The following WAPL variants were observed in gnomAD, a reference collection of about 807,000 sequenced individuals.
The protein encoded by WAPL is wings apart-like protein homolog.
A neutral mutation model predicts 121.0 loss-of-function variants in WAPL; 5 were observed. The observed-to-expected ratio is 0.04, with a 90% CI of 0.02 to 0.09. The LOEUF is 0.09. WAPL is among the 10% of genes least tolerant of loss of function. WAPL has a pLI of 1.00. For synonymous variants in WAPL, 480 were observed against 481.5 expected, an observed-to-expected ratio of 1.00 and a Z score of 0.04; for missense variants, 999 against 1,410.8, an observed-to-expected ratio of 0.71 and a Z score of 4.68.
intron 17 of WAPL, among the ~76,000 whole-genome samples, chr10:86,439,211 T>C (rs1849402344): frequency 6.6e-6 from 1 of 152,040 alleles, no homozygotes; most frequent in South Asian, 2.1e-4. Flanking sequence ...ACTCGCAAAA[T>C]TAGAAAGCAG....
chr10:86,474,556 G>A (rs1410434434), intron 4 of WAPL, among the ~76,000 whole-genome samples: 3 of 147,690 alleles, frequency 2.0e-5, no homozygotes, highest in African/African-American at 5.0e-5. Flanking sequence ...GGCTTACTAA[G>A]TAATCAACAC....
intron 1 of WAPL, among the ~76,000 whole-genome samples, chr10:86,520,652 A>G (rs1842656955): frequency 6.6e-6 from 1 of 151,990 alleles, no homozygotes; most frequent in African/African-American, 2.4e-5. Flanking sequence ...TTTAAACTCC[A>G]AAGACTGTCC....
rs547176938 is a variant in WAPL at position 86,494,430 on chromosome 10, G to A, written c.1644+2771C>T. 6.4e-4 allele frequency among the ~76,000 whole-genome samples: 97 copies of A among 152,146 alleles called. 2 individuals carry two copies. The highest frequency in any genetic ancestry group is 2.0e-3 in the African/African-American group (85 of 41,514). ...GTGGGAATGTGGCAGGCATTTTCTC[G>A]AAAACAAAGAGTAAATCTGTTACCA... On this transcript the variant is annotated intron_variant, in intron 4 of 18. Coordinates refer to ENST00000298767, the MANE Select transcript of WAPL (RefSeq NM_015045.5).
At chr10:86,481,222 GAAA>G (rs1046706406) in intron 4 of WAPL, among the ~76,000 whole-genome samples, 3 of 151,364 alleles carry the variant, frequency 2.0e-5, no homozygotes, top group African/African-American at 7.3e-5. Context: ...AGAAACTAAA[GAAA>G]AAAAATCTAA....
intron 4 of WAPL, among the ~76,000 whole-genome samples, chr10:86,485,003 A>T (rs1317413407): frequency 1.3e-5 from 2 of 152,114 alleles, no homozygotes; most frequent in African/African-American, 4.8e-5. Context: ...ACACACACAC[A>T]GGCACACACG....
chr10:86,491,311 TTG>T (rs2132213204), intron 4 of WAPL, among the ~76,000 whole-genome samples: 1 of 151,668 alleles, frequency 6.6e-6, no homozygotes, highest in Non-Finnish European at 1.5e-5. Flanking sequence ...GGCTAATTTT[TTG>T]TGTTTTTAGT....
rs538844291 is a variant in WAPL, at chr10:86,443,424, C to CTGTTAGTTTTTTTTACT, written c.3323-62_3323-61insAGTAAAAAAAACTAACA. On this transcript the variant is annotated intron_variant, in intron 16 of 18. Coordinates refer to ENST00000298767, the MANE Select transcript of WAPL (RefSeq NM_015045.5). ...TTAATTAACACAAACCTCACAAAAC[C>CTGTTAGTTTTTTTTACT]AACCATTCTGTTAGTTATCTTTACT... The CTGTTAGTTTTTTTTACT allele has an allele frequency of 1.3e-4, 188 of 1,443,894 alleles. 2 individuals carry two copies. The South Asian group carries it at 2.2e-3, about 17-fold the overall frequency. 89.4% of individuals were successfully genotyped at this position (1,443,894 alleles called of 1,614,324 possible). A position where few individuals can be genotyped will look rare whatever the true frequency, so the allele number is the denominator to read the frequency against.
intron 8 of WAPL, among the ~76,000 whole-genome samples, chr10:86,470,747 A>G (rs1420094656): frequency 6.6e-6 from 1 of 152,246 alleles, no homozygotes; most frequent in African/African-American, 2.4e-5. Flanking sequence ...ATTAGCTAAG[A>G]TAACAAAATA....
intron 4 of WAPL, among the ~76,000 whole-genome samples, chr10:86,488,065 A>G (rs2132209790): frequency 6.6e-6 from 1 of 152,260 alleles, no homozygotes; most frequent in East Asian, 1.9e-4. Flanking sequence ...GAAAATAAGA[A>G]CACATGTGGA....
At chr10:86,462,734 A>G (rs1841314443) in intron 9 of WAPL, among the ~76,000 whole-genome samples, 1 of 151,664 alleles carries the variant, frequency 6.6e-6, no homozygotes, top group Admixed American at 6.6e-5. Context: ...AAAAAAAAAA[A>G]AAAAAAAGAG....
At chr10:86,453,865 AAAT>A in intron 12 of WAPL, 34 bp from the exon 13 acceptor site, 4 of 1,424,090 alleles carry the variant, frequency 2.8e-6, no homozygotes, top group South Asian at 1.6e-5. Context: ...CTATTATAGT[AAAT>A]AATAATAGGT....
rs1564571366 is a variant in WAPL, at chr10:86,469,252, T to TAA, written c.2142+1739_2142+1740insTT. On this transcript the variant is annotated intron_variant, in intron 8 of 18. Coordinates refer to ENST00000298767, the MANE Select transcript of WAPL (RefSeq NM_015045.5). ...CTGGTTGAACCAAATAATTTTTTTTTTTTTTTTTTTTTTTTTTTGAGACGG... is the reference window on the plus strand; with the variant it reads ...CTGGTTGAACCAAATAATTTTTTTTTAATTTTTTTTTTTTTTTTTTGAGACGG... 4.5e-3 allele frequency among the ~76,000 whole-genome samples: 17 copies of TAA among 3,792 alleles called. 4 individuals are homozygous for TAA. The highest frequency in any genetic ancestry group is 0.021 in the Non-Finnish European group (4 of 192). 2.5% of individuals were successfully genotyped at this position (3,792 alleles called of 152,430 possible).
chr10:86,517,911 T>C lies in WAPL; in HGVS notation c.159A>G (p.Pro53=). ...GTTTCTTCGGAATTTCTTGGATATCTGGTTTGAAATTGGGCCTCTTCTGCC... is the reference window on the plus strand; with the variant it reads ...GTTTCTTCGGAATTTCTTGGATATCCGGTTTGAAATTGGGCCTCTTCTGCC... The part of the protein sequence containing the change: ...KLGQKRPNFK[P]DIQEIPKKPK... Residue 53 remains proline, a synonymous_variant, in exon 2 of 19, where the codon CCA becomes CCG. Transcript: ENST00000298767. The C allele has an allele frequency of 6.2e-7, 1 of 1,614,190 alleles. No homozygotes were observed. Among genetic ancestry groups the C allele is most frequent in the African/African-American group, 1.3e-5 (1 of 75,064 alleles).
At chr10:86,503,290 A>G (rs928673145) in intron 2 of WAPL, among the ~76,000 whole-genome samples, 1 of 152,120 alleles carries the variant, frequency 6.6e-6, no homozygotes, top group Non-Finnish European at 1.5e-5. Context: ...AAACTTAAAC[A>G]ATGCCTTTAA....
intron 4 of WAPL, 118 bp downstream of exon 4, chr10:86,497,083 C>T (rs1481019146): frequency 5.9e-6 from 5 of 844,154 alleles, no homozygotes; most frequent in South Asian, 3.5e-5. Context: ...ACGACTTACA[C>T]ATATCCTTTG....
intron 9 of WAPL, among the ~76,000 whole-genome samples, chr10:86,464,212 G>A (rs1841349703): frequency 6.6e-6 from 1 of 152,210 alleles, no homozygotes. Context: ...TTCAAGGACA[G>A]CTAACATTAG....
At chr10:86,457,327 T>TAAAAAAA (rs10668599) in intron 12 of WAPL, among the ~76,000 whole-genome samples, 5 of 111,192 alleles carry the variant, frequency 4.5e-5, no homozygotes, top group African/African-American at 1.1e-4. Context: ...CTGTATCTAT[T>TAAAAAAA]AAAAAAAAAA....
chr10:86,457,979 G>A (rs1158499605), intron 12 of WAPL, among the ~76,000 whole-genome samples: 1 of 152,124 alleles, frequency 6.6e-6, no homozygotes, highest in East Asian at 1.9e-4. Flanking sequence ...AACCAGACTG[G>A]CCATGATTGA....
intron 12 of WAPL, among the ~76,000 whole-genome samples, chr10:86,455,085 G>C (rs868138207): frequency 6.8e-6 from 1 of 146,460 alleles, no homozygotes. Flanking sequence ...GCCCCCGCCC[G>C]GCAGCCGCCC....
Sources: allele counts gnomAD v4.1 joint callset (sites outside exome capture counted in the v4.1 genomes callset), GRCh38; gene constraint gnomAD v4.1.1; transcripts MANE v1.5; gene names NCBI Gene and HGNC (gene_info 2026-07-23, HGNC 2026-07-21).